ATP5PD: variants seen among roughly 807,000 people sequenced by gnomAD.
ATP5PD encodes the protein ATP synthase peripheral stalk subunit d, mitochondrial.
ATP5PD carries 13 observed loss-of-function variants against 22.6 expected under a neutral mutation model. That is an observed-to-expected ratio of 0.58 (90% confidence interval 0.37 to 0.91). ATP5PD has a LOEUF of 0.91. Among genes scored for constraint, ATP5PD ranks in the 40% least tolerant of loss-of-function variants. The pLI is 0.00. For synonymous variants in ATP5PD, 51 were observed against 65.0 expected, an observed-to-expected ratio of 0.79 and a Z score of 1.03; for missense variants, 165 against 188.0, an observed-to-expected ratio of 0.88 and a Z score of 0.72.
chr17:75,040,885 C>CA (rs34981433), intron 3 of ATP5PD: 875 of 76,862 alleles, frequency 0.011, 12 homozygotes, highest in African/African-American at 0.029. Context: ...GACTCCGTCT[C>CA]AAAAAAAAAA....
At chr17:75,042,506 T>A in intron 2 of ATP5PD, 23 bp downstream of exon 2, 1 of 1,599,912 alleles carries the variant, frequency 6.3e-7, no homozygotes, top group South Asian at 1.1e-5. Context: ...AAGTATGGGG[T>A]TCCCTCTCAG....
chr17:75,044,361 G>A lies in ATP5PD; in HGVS notation c.-9-1702C>T, dbSNP rs562971050. 3.0e-4 allele frequency among the ~76,000 whole-genome samples: 34 copies of A among 114,946 alleles called. 14 individuals carry two copies. The highest frequency in any genetic ancestry group is 2.0e-3 in the African/African-American group (31 of 15,332). 75.4% of individuals were successfully genotyped at this position (114,946 alleles called of 152,430 possible). Reference sequence around the variant, plus strand: ...GCTGGGACTACAGGCGCCCGCCACCGCGCCCGGCTAATTTTTTGTATTTTT... The same window carrying A: ...GCTGGGACTACAGGCGCCCGCCACCACGCCCGGCTAATTTTTTGTATTTTT... On this transcript the variant is annotated intron_variant, in intron 1 of 5. Transcript: ENST00000301587.
Position 75,042,601 on chromosome 17 carries a change from G to A in ATP5PD, c.50C>T (p.Ala17Val). 6.2e-7 allele frequency: 1 copy of A among 1,613,022 alleles called. No homozygotes were observed. Among genetic ancestry groups the A allele is most frequent in the Non-Finnish European group, 8.5e-7 (1 of 1,179,748 alleles). ...CTTTTGGTTCTGGGGTATGATCTCTGCAAAAGCTACCCAGTCAATGGTTTT... is the reference window on the plus strand; with the variant it reads ...CTTTTGGTTCTGGGGTATGATCTCTACAAAAGCTACCCAGTCAATGGTTTT... ...ALKTIDWVAF[A>V]EIIPQNQKAI... The change falls in exon 2 of 6, where the codon GCA becomes GTA. Residue 17 changes from alanine to valine, a missense_variant. Coordinates refer to ENST00000301587, the MANE Select transcript of ATP5PD (RefSeq NM_006356.3).
intron 1 of ATP5PD, among the ~76,000 whole-genome samples, chr17:75,043,933 G>C (rs1326183804): frequency 6.6e-6 from 1 of 151,998 alleles, no homozygotes; most frequent in East Asian, 1.9e-4. Context: ...AACTTAAAAG[G>C]GCTATCCCCT....
intron 1 of ATP5PD, among the ~76,000 whole-genome samples, chr17:75,043,360 C>T (rs1005157131): frequency 6.6e-6 from 1 of 152,140 alleles, no homozygotes; most frequent in African/African-American, 2.4e-5. Flanking sequence ...TTCTGTAATC[C>T]CAGCACTTTG....
rs2144913473 is a variant in ATP5PD, at chr17:75,042,553, G to T, written c.98C>A (p.Ser33Tyr). ...NQKAIASSLKSWNETLTSRLA... is the reference protein window; with the variant it reads ...NQKAIASSLKYWNETLTSRLA... ...CCTGGAGGTGAGGGTCTCATTCCAGGATTTCAGGGAACTAGCAATGGCCTT... is the reference window on the plus strand; with the variant it reads ...CCTGGAGGTGAGGGTCTCATTCCAGTATTTCAGGGAACTAGCAATGGCCTT... Residue 33 changes from serine to tyrosine, a missense_variant, in exon 2 of 6, where the codon TCC becomes TAC. Physicochemically the swap from Ser to Tyr is moderately radical, Grantham distance 144. Coordinates refer to ENST00000301587, the MANE Select transcript of ATP5PD (RefSeq NM_006356.3). 1 of 1,612,456 alleles carries T rather than the reference G, an allele frequency of 6.2e-7. No individual in the cohort carries two copies.
chr17:75,042,250 T>G lies in ATP5PD; in HGVS notation c.150A>C (p.Pro50=), dbSNP rs1317801097. The stretch of plus-strand genomic sequence containing the variant: ...CCTTGTAGTAAGCCCAGTCGATAGC[T>G]GGTGGATTCTCAGGTAAAGCAGCCA... ...SRLAALPENP[P]AIDWAYYKAN... Residue 50 remains proline (P), a synonymous_variant, in exon 3 of 6, where the codon CCA becomes CCC. Transcript: ENST00000301587. 1 of 1,614,206 alleles carries G rather than the reference T, an allele frequency of 6.2e-7. No individual in the cohort carries two copies. Among genetic ancestry groups the G allele is most frequent in the Non-Finnish European group, 8.5e-7 (1 of 1,180,014 alleles).
chr17:75,044,637 C>T (rs2073194894), intron 1 of ATP5PD, among the ~76,000 whole-genome samples: 1 of 152,038 alleles, frequency 6.6e-6, no homozygotes, highest in African/African-American at 2.4e-5. Context: ...CCACCGCGCC[C>T]GGCCTGCATT....
chr17:75,046,209 A>C (rs113797879), intron 1 of ATP5PD, among the ~76,000 whole-genome samples: 1,675 of 152,178 alleles, frequency 0.011, 31 homozygotes, highest in African/African-American at 0.039. Flanking sequence ...CAGCCTCCCG[A>C]GCAGCTGGGA....
At chr17:75,045,927 G>A (rs1294347422) in intron 1 of ATP5PD, among the ~76,000 whole-genome samples, 1 of 152,176 alleles carries the variant, frequency 6.6e-6, no homozygotes, top group African/African-American at 2.4e-5. Flanking sequence ...AGTAAAGACA[G>A]GCATAAGAAA....
chr17:75,045,805 A>G (rs1341241772), intron 1 of ATP5PD, among the ~76,000 whole-genome samples: 1 of 152,208 alleles, frequency 6.6e-6, no homozygotes, highest in Non-Finnish European at 1.5e-5. Context: ...TACATCCTCA[A>G]CTGACAGGAT....
At chr17:75,039,810 A>C (rs1405615426) in intron 4 of ATP5PD, 1 of 433,198 alleles carries the variant, frequency 2.3e-6, no homozygotes, top group East Asian at 4.1e-5. Context: ...TGAAACCAGC[A>C]GTCCCCTCTC....
At chr17:75,042,140 G>A in intron 3 of ATP5PD, 41 bp downstream of exon 3, 1 of 1,537,690 alleles carries the variant, frequency 6.5e-7, no homozygotes, top group South Asian at 1.1e-5. Flanking sequence ...CTACCCACAG[G>A]CATGTTACAA....
chr17:75,041,684 A>G (rs2073162445), intron 3 of ATP5PD: 1 of 152,654 alleles, frequency 6.6e-6, no homozygotes, highest in Non-Finnish European at 1.5e-5. Flanking sequence ...AAAGGGAGAC[A>G]GGAAGGAAGC....
chr17:75,044,582 T>G (rs540859421), intron 1 of ATP5PD, among the ~76,000 whole-genome samples: 136 of 151,500 alleles, frequency 9.0e-4, no homozygotes, highest in African/African-American at 3.2e-3. Context: ...CCTCAGGTGA[T>G]CCACCCACCT....
chr17:75,042,716 GA>G (rs1422811158), intron 1 of ATP5PD, 57 bp from the exon 2 acceptor site: 17 of 1,512,112 alleles, frequency 1.1e-5, no homozygotes, highest in Non-Finnish European at 1.5e-5. Context: ...TTTCAGTTGG[GA>G]AAAATGATAA....
At chr17:75,039,168 G>C (rs771524275) in intron 5 of ATP5PD, 41 bp downstream of exon 5, 7 of 1,613,214 alleles carry the variant, frequency 4.3e-6, no homozygotes, top group African/African-American at 4.0e-5. Flanking sequence ...TCATGAAAGA[G>C]AGAACCCATA....
chr17:75,039,348 C>T, intron 4 of ATP5PD, 77 bp from the exon 5 acceptor site: 1 of 1,273,872 alleles, frequency 7.9e-7, no homozygotes, highest in Non-Finnish European at 1.1e-6. Flanking sequence ...AGGAGTCGTC[C>T]CAGCCCACTC....
At chr17:75,045,134 C>T (rs2073200512) in intron 1 of ATP5PD, among the ~76,000 whole-genome samples, 1 of 152,192 alleles carries the variant, frequency 6.6e-6, no homozygotes, top group East Asian at 1.9e-4. Flanking sequence ...TGGTAGGATC[C>T]GTGATGCCCC....
Sources: gnomAD v4.1 joint callset for allele counts (sites outside exome capture counted in the v4.1 genomes callset) on GRCh38, gnomAD v4.1.1 for gene constraint, MANE v1.5 for transcripts, NCBI Gene and HGNC (gene_info 2026-07-23, HGNC 2026-07-21) for gene names.